USP32: variants seen among roughly 807,000 people sequenced by gnomAD.
USP32 encodes ubiquitin specific peptidase 32.
Under a neutral mutation model 204.8 loss-of-function variants are expected in USP32, and 59 were observed. The ratio of observed to expected loss-of-function variants is 0.29; its 90% CI spans 0.23 to 0.36. The LOEUF is 0.36. Ranked by LOEUF, USP32 falls within the 10% of genes least tolerant of loss-of-function variation. The pLI is 1.00. For synonymous variants in USP32, 517 were observed against 678.4 expected (o/e 0.76, Z 3.70); for missense variants, 1,160 against 1,946.4 (o/e 0.60, Z 7.60).
chr17:60,338,549 G>A (rs2088579832), intron 2 of USP32, among the ~76,000 whole-genome samples: 1 of 152,086 alleles, frequency 6.6e-6, no homozygotes, highest in Non-Finnish European at 1.5e-5. Flanking sequence ...GGGCAACATG[G>A]TGAAACCCCA....
chr17:60,369,290 G>A (rs1160966262), intron 1 of USP32, among the ~76,000 whole-genome samples: 5 of 138,236 alleles, frequency 3.6e-5, no homozygotes, highest in Middle Eastern at 3.5e-3. Context: ...CACCGCGCCC[G>A]GCCAAAAGAT....
In USP32 at chr17:60,407,872, C is replaced by A. The variant is rs146462923; in HGVS notation, c.106+14374G>T. On this transcript the variant is annotated intron_variant, in intron 1 of 3. Coordinates refer to the USP32 transcript ENST00000588898. ...CAGCACTTTGGGAGGCCAAGGCAGG[C>A]GGATTGCCTGAGGTCAGGAGTTCGA... is the stretch of plus-strand genomic sequence containing the variant. 1.7e-3 allele frequency among the ~76,000 whole-genome samples: 255 copies of A among 150,098 alleles called. 2 individuals are homozygous for A. Among genetic ancestry groups the A allele is most frequent in the African/African-American group, 6.1e-3 (247 of 40,676 alleles).
intron 16 of USP32, among the ~76,000 whole-genome samples, chr17:60,216,288 T>A (rs1055301664): frequency 2.5e-5 from 3 of 117,850 alleles, no homozygotes; most frequent in Admixed American, 8.2e-5. Flanking sequence ...CAAAGAGAGG[T>A]GGCAAAAAAA....
intron 1 of USP32, among the ~76,000 whole-genome samples, chr17:60,349,676 T>C (rs60893220): frequency 6.1e-5 from 8 of 131,190 alleles, no homozygotes; most frequent in African/African-American, 1.8e-4. Context: ...CATATATATA[T>C]ACACACATAT....
chr17:60,374,633 A>C (rs914392992), intron 1 of USP32, among the ~76,000 whole-genome samples: 4 of 152,186 alleles, frequency 2.6e-5, no homozygotes, highest in African/African-American at 9.7e-5. Context: ...CAACCCACCC[A>C]AAATGCTGGG....
At chr17:60,298,442 A>G (rs950143329) in intron 3 of USP32, among the ~76,000 whole-genome samples, 1 of 152,202 alleles carries the variant, frequency 6.6e-6, no homozygotes, top group African/African-American at 2.4e-5. Context: ...TAACCTATCC[A>G]CATCCTCCCA....
chr17:60,219,078 A>T (rs1294190402), intron 16 of USP32, among the ~76,000 whole-genome samples: 1 of 152,204 alleles, frequency 6.6e-6, no homozygotes, highest in Non-Finnish European at 1.5e-5. Context: ...TTTCAAAGCA[A>T]ATATATCACT....
At chr17:60,361,818 A>T (rs1401789085) in intron 1 of USP32, among the ~76,000 whole-genome samples, 2 of 152,198 alleles carry the variant, frequency 1.3e-5, no homozygotes, top group African/African-American at 2.4e-5. Flanking sequence ...CAAGCAGACC[A>T]TCTGTAATTC....
At chr17:60,409,471 C>T (rs973540235) in intron 1 of USP32, among the ~76,000 whole-genome samples, 1 of 152,168 alleles carries the variant, frequency 6.6e-6, no homozygotes, top group African/African-American at 2.4e-5. Context: ...AGCTGGCTTA[C>T]CCCAGAGCAA....
At chr17:60,416,662 A>AT (rs1401454840) in intron 1 of USP32, among the ~76,000 whole-genome samples, 1 of 152,070 alleles carries the variant, frequency 6.6e-6, no homozygotes, top group Non-Finnish European at 1.5e-5. Flanking sequence ...GTTAGGTTCA[A>AT]TTGTCTCTTC....
chr17:60,226,176 G>A lies in USP32; in HGVS notation c.1295C>T (p.Ser432Leu), dbSNP rs1263636360. The A allele has an allele frequency of 6.3e-7, 1 of 1,592,882 alleles. No homozygotes were observed. The highest frequency in any genetic ancestry group is 8.5e-7 in the Non-Finnish European group (1 of 1,172,676). ...CATAGGATGGGCTGCAGTTCCAAAT[G>A]AGTATTTTCCTCCATTCAAAACAGA... ...PSSVLNGGKY[S>L]FGTAAHPMEQ... Residue 432 changes from serine (S) to leucine (L), a missense_variant, in exon 13 of 34, where the codon TCA becomes TTA. Physicochemically the swap from Ser to Leu is moderately radical, Grantham distance 145 (BLOSUM62 -2). Around this residue, in one of 8 missense-constraint regions of USP32, gnomAD observed 536 missense variants for 680.9 expected, o/e 0.79. Coordinates refer to ENST00000300896, the MANE Select transcript of USP32 (RefSeq NM_032582.4).
intron 5 of USP32, among the ~76,000 whole-genome samples, chr17:60,282,754 T>C (rs887564612): frequency 8.5e-5 from 13 of 152,250 alleles, no homozygotes; most frequent in Non-Finnish European, 1.6e-4. Flanking sequence ...GGTATGGCTT[T>C]AGCCTTACAG....
intron 2 of USP32, among the ~76,000 whole-genome samples, chr17:60,327,088 C>T (rs2088258786): frequency 6.6e-6 from 1 of 152,142 alleles, no homozygotes; most frequent in South Asian, 2.1e-4. Flanking sequence ...TAATTAACAA[C>T]AATTGGTTGT....
chr17:60,397,134 A>G (rs1367499759), intron 1 of USP32, among the ~76,000 whole-genome samples: 1 of 152,242 alleles, frequency 6.6e-6, no homozygotes, highest in African/African-American at 2.4e-5. Context: ...TTGAATTCTA[A>G]TCAGCAATTA....
At position 60,211,384 on chromosome 17, in the gene USP32, T is replaced by A. The variant is rs530797374; in HGVS notation, c.2310A>T (p.Glu770Asp). 6.2e-7 allele frequency: 1 copy of A among 1,612,010 alleles called. No individual in the cohort carries two copies. Among genetic ancestry groups the A allele is most frequent in the African/African-American group, 1.3e-5 (1 of 74,960 alleles). ...GACTCCAGAAAGATTACCTGTTGAG[T>A]TCATAAAGATGTCTCCCTGAGATAA... ...QYFISGRHLY[E>D]LNRTNPIGMK... Residue 770 changes from glutamate to aspartate, a missense_variant, in exon 20 of 34, where the codon GAA (glutamate) becomes GAT (aspartate). Physicochemically the swap from Glu to Asp is conservative, Grantham distance 45 (BLOSUM62 2). This residue lies in a region of USP32 where 132 missense variants were observed against 432.8 expected (regional missense o/e 0.30). Coordinates refer to ENST00000300896, the MANE Select transcript of USP32 (RefSeq NM_032582.4).
intron 33 of USP32, 66 bp from the exon 34 acceptor site, chr17:60,179,494 A>G (rs188597723): frequency 1.9e-6 from 3 of 1,582,218 alleles, no homozygotes; most frequent in East Asian, 2.2e-5. Context: ...CCTTGCCAGG[A>G]AAGGGAAGAC....
At chr17:60,391,128 G>T (rs1366772411) in intron 1 of USP32, among the ~76,000 whole-genome samples, 1 of 152,202 alleles carries the variant, frequency 6.6e-6, no homozygotes, top group Non-Finnish European at 1.5e-5. Context: ...ATATCTGAAT[G>T]CTGGACTTCC....
chr17:60,221,752 C>T (rs1212450302), intron 15 of USP32, among the ~76,000 whole-genome samples: 1 of 152,036 alleles, frequency 6.6e-6, no homozygotes, highest in Non-Finnish European at 1.5e-5. Context: ...GATCTGCCTG[C>T]CTCGGCCTTC....
chr17:60,290,581 T>G (rs917170438), intron 4 of USP32, among the ~76,000 whole-genome samples: 3 of 152,192 alleles, frequency 2.0e-5, no homozygotes, highest in Non-Finnish European at 2.9e-5. Flanking sequence ...AATTGTAATT[T>G]CTTAGTGGTT....
Sources: allele counts gnomAD v4.1 joint callset (sites outside exome capture counted in the v4.1 genomes callset), GRCh38; gene constraint gnomAD v4.1.1; regional missense constraint gnomAD v4.1.1; transcripts MANE v1.5; gene names NCBI Gene and HGNC (gene_info 2026-07-23, HGNC 2026-07-21).